CTNNA3: variants seen among roughly 807,000 people sequenced by gnomAD.
The protein encoded by CTNNA3 is catenin alpha 3.
CTNNA3 carries 76 observed loss-of-function variants against 95.7 expected under a neutral mutation model. The observed-to-expected ratio is 0.79, with a 90% CI of 0.66 to 0.96. The LOEUF is 0.96. Among genes scored for constraint, CTNNA3 ranks in the 40% least tolerant of loss-of-function variants. The pLI is 0.00. For missense variants in CTNNA3, 1,191 were observed against 1,089.8 expected (o/e 1.09, Z -1.31); for synonymous variants, 431 against 374.4 (o/e 1.15, Z -1.74).
chr10:66,419,318 C>T (rs1330690061), intron 11 of CTNNA3, among the ~76,000 whole-genome samples: 1 of 151,834 alleles, frequency 6.6e-6, no homozygotes, highest in Non-Finnish European at 1.5e-5. Context: ...AAAAAAATTA[C>T]ATAGGAATAA....
intron 13 of CTNNA3, among the ~76,000 whole-genome samples, chr10:66,269,929 C>T (rs1347323903): frequency 3.9e-5 from 6 of 152,276 alleles, no homozygotes; most frequent in African/African-American, 1.4e-4. Flanking sequence ...ATCAAACAGA[C>T]ATGTACTGTG....
rs146633873 is a variant in CTNNA3, at chr10:66,601,601, C to T, written c.1374+20091G>A. Among the ~76,000 whole-genome samples, 887 of 151,956 alleles carry T rather than the reference C, an allele frequency of 5.8e-3. 9 individuals are homozygous for T. The highest frequency in any genetic ancestry group is 0.021 in the African/African-American group (855 of 41,518). ...GCACACTGTCTGTTATACTAACCATCTGTAATGGGAGGACTGCTTAGACTG... is the reference window on the plus strand; with the variant it reads ...GCACACTGTCTGTTATACTAACCATTTGTAATGGGAGGACTGCTTAGACTG... On this transcript the variant is annotated intron_variant, in intron 10 of 17. Coordinates refer to ENST00000433211, the MANE Select transcript of CTNNA3 (RefSeq NM_013266.4).
rs907076679 is a variant in CTNNA3, at chr10:67,648,271, G to A, written c.-5-753C>T. 8.6e-5 allele frequency among the ~76,000 whole-genome samples: 13 copies of A among 151,990 alleles called. No individual in the cohort carries two copies. The South Asian group carries it at 1.0e-3, about 12-fold the overall frequency. On this transcript the variant is annotated intron_variant, in intron 1 of 17. Coordinates refer to ENST00000433211, the MANE Select transcript of CTNNA3 (RefSeq NM_013266.4). The stretch of plus-strand genomic sequence containing the variant: ...TGACCATATGTGGCATGTCATAGTC[G>A]GATTAACGTTCAAAAACTCTAGCCA...
At chr10:66,722,746 A>G (rs1383276714) in intron 9 of CTNNA3, among the ~76,000 whole-genome samples, 2 of 152,042 alleles carry the variant, frequency 1.3e-5, no homozygotes, top group Non-Finnish European at 2.9e-5. Flanking sequence ...GTCTTTGCTC[A>G]TAGGCACAAC....
chr10:67,629,581 G>T (rs1839071613), intron 2 of CTNNA3, among the ~76,000 whole-genome samples: 1 of 152,178 alleles, frequency 6.6e-6, no homozygotes, highest in Non-Finnish European at 1.5e-5. Flanking sequence ...TCAATTACAG[G>T]AACTCTGGAT....
At chr10:66,636,915 C>T (rs555013597) in intron 9 of CTNNA3, among the ~76,000 whole-genome samples, 4 of 152,186 alleles carry the variant, frequency 2.6e-5, no homozygotes, top group African/African-American at 7.2e-5. Context: ...CTATGCTAAA[C>T]GAGTAAAACA....
chr10:66,562,822 G>C (rs1221389289), intron 10 of CTNNA3, among the ~76,000 whole-genome samples: 3 of 151,778 alleles, frequency 2.0e-5, no homozygotes, highest in Non-Finnish European at 4.4e-5. Flanking sequence ...GAAGTTTGAA[G>C]CATTTCACTG....
chr10:66,172,078 G>T (rs1589630372), intron 13 of CTNNA3, among the ~76,000 whole-genome samples: 1 of 152,052 alleles, frequency 6.6e-6, no homozygotes, highest in Admixed American at 6.6e-5. Context: ...ACAGTACTTT[G>T]CTTGTCCTTT....
chr10:66,574,333 G>A (rs974621818), intron 10 of CTNNA3, among the ~76,000 whole-genome samples: 1 of 151,994 alleles, frequency 6.6e-6, no homozygotes, highest in African/African-American at 2.4e-5. Flanking sequence ...AATTATCACC[G>A]AAAAATCCAG....
chr10:67,530,906 G>A (rs113956759), intron 4 of CTNNA3, among the ~76,000 whole-genome samples: 53 of 152,330 alleles, frequency 3.5e-4, no homozygotes, highest in South Asian at 3.3e-3. Flanking sequence ...TGCTCCAGCC[G>A]TGGCTGAAAG....
At chr10:66,264,993 A>G in intron 13 of CTNNA3, among the ~76,000 whole-genome samples, 1 of 152,200 alleles carries the variant, frequency 6.6e-6, no homozygotes, top group South Asian at 2.1e-4. Flanking sequence ...CTGACCAATT[A>G]TCAAGACTAG....
At chr10:67,559,136 T>C (rs1841376638) in intron 3 of CTNNA3, among the ~76,000 whole-genome samples, 1 of 152,206 alleles carries the variant, frequency 6.6e-6, no homozygotes, top group Non-Finnish European at 1.5e-5. Flanking sequence ...AAGAGAGCAG[T>C]GCTTCTCCCA....
At position 67,628,197 on chromosome 10, in the gene CTNNA3, A is replaced by G. The variant is rs963763951; in HGVS notation, c.99+19218T>C. 4.6e-5 allele frequency among the ~76,000 whole-genome samples: 7 copies of G among 151,640 alleles called. No homozygotes were observed. In the South Asian group the frequency reaches 6.3e-4, roughly 14 times the overall value. The stretch of plus-strand genomic sequence containing the variant: ...TTTCTCCTTTGAACAAGATTTTCAT[A>G]TAGTATCAATAAGAAATAGTAAACG... On this transcript the variant is annotated intron_variant, in intron 2 of 17. Transcript: ENST00000433211.
intron 17 of CTNNA3, among the ~76,000 whole-genome samples, chr10:65,939,402 C>T (rs1266010889): frequency 1.3e-5 from 2 of 152,138 alleles, no homozygotes; most frequent in Admixed American, 6.5e-5. Flanking sequence ...TCCTCTAGGT[C>T]CTCCACAGAC....
intron 7 of CTNNA3, among the ~76,000 whole-genome samples, chr10:66,865,499 T>A (rs1284926917): frequency 2.0e-5 from 3 of 152,122 alleles, no homozygotes; most frequent in African/African-American, 7.2e-5. Context: ...ATATTCTCGA[T>A]TCCTTGAAAT....
intron 13 of CTNNA3, among the ~76,000 whole-genome samples, chr10:66,158,249 T>A (rs2084650459): frequency 6.6e-6 from 1 of 152,162 alleles, no homozygotes; most frequent in Non-Finnish European, 1.5e-5. Flanking sequence ...AGCCAATGTC[T>A]AGAAGGGTTT....
At chr10:66,114,893 A>G (rs2082264546) in intron 13 of CTNNA3, among the ~76,000 whole-genome samples, 1 of 152,012 alleles carries the variant, frequency 6.6e-6, no homozygotes, top group Non-Finnish European at 1.5e-5. Flanking sequence ...AAAAAAAGAA[A>G]AAGAAAAAGT....
chr10:66,891,981 T>G (rs891285520), intron 7 of CTNNA3, among the ~76,000 whole-genome samples: 3 of 152,282 alleles, frequency 2.0e-5, no homozygotes, highest in Non-Finnish European at 2.9e-5. Context: ...TGTAACCTTG[T>G]GCAAATCACT....
intron 13 of CTNNA3, among the ~76,000 whole-genome samples, chr10:66,162,289 C>T (rs1257415119): frequency 1.3e-5 from 2 of 152,108 alleles, no homozygotes; most frequent in Non-Finnish European, 2.9e-5. Context: ...CTTGTTTTGT[C>T]ATATTACCAG....
Sources: allele counts gnomAD v4.1 joint callset (sites outside exome capture counted in the v4.1 genomes callset), GRCh38; gene constraint gnomAD v4.1.1; transcripts MANE v1.5; gene names NCBI Gene and HGNC (gene_info 2026-07-23, HGNC 2026-07-21).